Variants in SUGCT observed in about 807,000 individuals in gnomAD.
The protein encoded by SUGCT is succinyl-CoA:glutarate-CoA transferase, also known as succinyl-CoA:glutarate CoA-transferase.
In SUGCT, 41 loss-of-function variants were observed where a neutral mutation model predicts 55.0. The observed-to-expected ratio is 0.74, with a 90% CI of 0.58 to 0.97. SUGCT has a LOEUF of 0.97. Among genes scored for constraint, SUGCT ranks in the 50% least tolerant of loss-of-function variants. The pLI, the probability that SUGCT is intolerant of heterozygous loss-of-function variation, is 0.00. For missense variants in SUGCT, 568 were observed against 547.8 expected (o/e 1.04, Z -0.37); for synonymous variants, 187 against 200.4 (o/e 0.93, Z 0.56).
intron 12 of SUGCT, among the ~76,000 whole-genome samples, chr7:40,617,519 T>C (rs1799065734): frequency 6.7e-6 from 1 of 149,384 alleles, no homozygotes; most frequent in Non-Finnish European, 1.5e-5. Flanking sequence ...GTGTGCATGT[T>C]TTCTTACTCG....
At chr7:40,690,942 A>G (rs1241266398) in intron 12 of SUGCT, among the ~76,000 whole-genome samples, 2 of 152,206 alleles carry the variant, frequency 1.3e-5, no homozygotes, top group Non-Finnish European at 2.9e-5. Context: ...AGTCACTGAC[A>G]GACACCCTCA....
At chr7:40,878,067 A>G in the SUGCT span, among the ~76,000 whole-genome samples, 2 of 152,176 alleles carry the variant, frequency 1.3e-5, no homozygotes, top group Non-Finnish European at 1.5e-5. Flanking sequence ...GTACTCCATT[A>G]TATCTTCTTT....
intron 12 of SUGCT, among the ~76,000 whole-genome samples, chr7:40,529,600 A>T (rs1793980244): frequency 6.6e-6 from 1 of 152,210 alleles, no homozygotes; most frequent in Non-Finnish European, 1.5e-5. Flanking sequence ...GGAGAGAGGA[A>T]CTAGATGTTC....
chr7:40,236,060 TTTG>T (rs1788989744), intron 6 of SUGCT, among the ~76,000 whole-genome samples: 1 of 152,010 alleles, frequency 6.6e-6, no homozygotes, highest in Non-Finnish European at 1.5e-5. Flanking sequence ...TATTTTTATT[TTTG>T]TTATTATTTT....
At chr7:40,494,007 G>A (rs553338858) in intron 11 of SUGCT, among the ~76,000 whole-genome samples, 4 of 152,232 alleles carry the variant, frequency 2.6e-5, no homozygotes, top group South Asian at 2.1e-4. Flanking sequence ...TGCAGCTCCC[G>A]CAGTCTCATT....
intron 8 of SUGCT, among the ~76,000 whole-genome samples, chr7:40,315,528 C>G (rs1795378429): frequency 6.6e-6 from 1 of 152,152 alleles, no homozygotes; most frequent in African/African-American, 2.4e-5. Context: ...GGTAAATGAA[C>G]ATAAAAGTGA....
At chr7:40,666,536 A>C (rs1198690131) in intron 12 of SUGCT, among the ~76,000 whole-genome samples, 1 of 149,490 alleles carries the variant, frequency 6.7e-6, no homozygotes, top group Non-Finnish European at 1.5e-5. Context: ...AAGAATGAAG[A>C]AGGAAGTAGT....
the SUGCT span, among the ~76,000 whole-genome samples, chr7:40,883,150 T>C: frequency 6.6e-6 from 1 of 152,226 alleles, no homozygotes; most frequent in African/African-American, 2.4e-5. Context: ...GAACTCACCA[T>C]GCTTTCTTCT....
chr7:40,516,744 T>G (rs1173004732), intron 12 of SUGCT, among the ~76,000 whole-genome samples: 2 of 152,168 alleles, frequency 1.3e-5, no homozygotes, highest in Non-Finnish European at 2.9e-5. Context: ...TGTTGTTAAG[T>G]TTTGAAATGA....
At chr7:40,449,964 T>C (rs1210585198) in intron 10 of SUGCT, among the ~76,000 whole-genome samples, 1 of 152,242 alleles carries the variant, frequency 6.6e-6, no homozygotes, top group Non-Finnish European at 1.5e-5. Context: ...AGGGATATTC[T>C]AAACTTGTAG....
intron 13 of SUGCT, among the ~76,000 whole-genome samples, chr7:40,784,845 C>A (rs1364362759): frequency 6.6e-6 from 1 of 152,124 alleles, no homozygotes; most frequent in Non-Finnish European, 1.5e-5. Flanking sequence ...CATGTCTTCA[C>A]TTTGAAATAA....
intron 12 of SUGCT, among the ~76,000 whole-genome samples, chr7:40,687,450 A>T (rs1784513447): frequency 6.6e-6 from 1 of 152,086 alleles, no homozygotes; most frequent in African/African-American, 2.4e-5. Flanking sequence ...TGGCAGATTA[A>T]TTATTTTTTA....
Position 40,385,028 on chromosome 7 carries a change from G to C in SUGCT, c.817-64259G>C, listed in dbSNP as rs118000148. Among the ~76,000 whole-genome samples the C allele has an allele frequency of 7.1e-4, 108 of 152,304 alleles. 1 individual carries two copies. In the East Asian group the frequency reaches 0.019, roughly 27 times the overall value. On this transcript the variant is annotated intron_variant, in intron 9 of 13. Coordinates refer to ENST00000335693, the MANE Select transcript of SUGCT (RefSeq NM_001193313.2). ...AAGTAATTAAAATAAAATGTGATTA[G>C]TATTAATGATAGAGTAGTATGGAAG...
chr7:40,330,002 G>A (rs557383105), intron 9 of SUGCT, among the ~76,000 whole-genome samples: 1 of 152,294 alleles, frequency 6.6e-6, no homozygotes, highest in South Asian at 2.1e-4. Context: ...GGGTTAGTCT[G>A]TCATTATATA....
chr7:40,569,051 C>T (rs1310643544), intron 12 of SUGCT, among the ~76,000 whole-genome samples: 6 of 152,156 alleles, frequency 3.9e-5, no homozygotes, highest in African/African-American at 1.4e-4. Flanking sequence ...CCCAAGGTAA[C>T]TTTTTAAAAA....
the SUGCT span, among the ~76,000 whole-genome samples, chr7:40,876,550 GA>G: frequency 2.6e-5 from 4 of 152,166 alleles, no homozygotes; most frequent in Non-Finnish European, 4.4e-5. Flanking sequence ...ATACCAAGTT[GA>G]AAATATAACT....
At chr7:40,435,337 G>A (rs2190261) in intron 9 of SUGCT, among the ~76,000 whole-genome samples, 16,995 of 152,090 alleles carry the variant, frequency 0.11, 1,406 homozygotes, top group East Asian at 0.48. Flanking sequence ...TCATCTGTGA[G>A]GAAGGAAGTT....
At chr7:40,650,703 A>C (rs1800735087) in intron 12 of SUGCT, among the ~76,000 whole-genome samples, 1 of 152,104 alleles carries the variant, frequency 6.6e-6, no homozygotes, top group Admixed American at 6.6e-5. Context: ...TGACTTTTTC[A>C]CTCAACTTTG....
chr7:40,216,725 G>C (rs1221388272), intron 6 of SUGCT, among the ~76,000 whole-genome samples: 1 of 151,840 alleles, frequency 6.6e-6, no homozygotes, highest in Non-Finnish European at 1.5e-5. Context: ...GATGGTGCAT[G>C]CCTGTAATCC....
Sources: gnomAD v4.1 joint callset for allele counts (sites outside exome capture counted in the v4.1 genomes callset) on GRCh38, gnomAD v4.1.1 for gene constraint, MANE v1.5 for transcripts, NCBI Gene and HGNC (gene_info 2026-07-23, HGNC 2026-07-21) for gene names.